PRCD: variants seen among roughly 807,000 people sequenced by gnomAD.
PRCD encodes the protein photoreceptor disk component PRCD.
A neutral mutation model predicts 10.1 loss-of-function variants in PRCD; 12 were observed. The observed-to-expected ratio is 1.18, with a 90% CI of 0.76 to 1.92. The LOEUF is 1.92. PRCD is among the 40% of genes most tolerant of loss of function. The pLI, the probability that PRCD is intolerant of heterozygous loss-of-function variation, is 0.00. For synonymous variants in PRCD, 31 were observed against 26.2 expected (o/e 1.18, Z -0.56); for missense variants, 61 against 72.2 (o/e 0.84, Z 0.56).
chr17:76,542,905 G>A lies in PRCD; in HGVS notation c.*60-124G>A, dbSNP rs1057487218. The stretch of plus-strand genomic sequence containing the variant: ...GGGGATGGCGAGGTGGTCGTGCTGG[G>A]GCATGAGGGCAGTGTCGGAGGACGC... On this transcript the variant is annotated intron_variant, in intron 3 of 4. Coordinates refer to ENST00000592014, the MANE Select transcript of PRCD (RefSeq NM_001077620.3). 6 of 586,148 alleles carry A rather than the reference G, an allele frequency of 1.0e-5. No homozygotes were observed. The African/African-American group carries it at 1.1e-4, about 11-fold the overall frequency. The allele number at this position is 586,148 out of a possible 1,614,324, so 36.3% of individuals were successfully genotyped here. A position where few individuals can be genotyped will look rare whatever the true frequency, so the allele number is the denominator to read the frequency against.
Position 76,528,747 on chromosome 17 carries a change from C to A in PRCD, n.45+914C>A. 1.9e-6 allele frequency: 2 copies of A among 1,039,286 alleles called. No homozygotes were observed. The highest frequency in any genetic ancestry group is 2.5e-6 in the Non-Finnish European group (2 of 801,860). 64.4% of individuals were successfully genotyped at this position (1,039,286 alleles called of 1,614,324 possible). ...CCGGCACAGTGCAGTTGAAAGCAAC[C>A]GTGAGACCCAAGTTCTAGTCTCCGT... On this transcript the variant is annotated intron_variant and non_coding_transcript_variant, in intron 1 of 4. Transcript: ENST00000397633. The surrounding 1 kb of genome is among the most constrained non-coding windows in gnomAD (Gnocchi z 5.8).
chr17:76,537,910 G>A (rs1322202246), upstream of PRCD: 1 of 150,972 alleles, frequency 6.6e-6, no homozygotes, highest in African/African-American at 2.4e-5. Context: ...CCCACCCGCA[G>A]GCCACGGCGG....
chr17:76,544,383 G>A lies in PRCD; in HGVS notation c.*733G>A, dbSNP rs1259293191. 9 of 454,736 alleles carry A rather than the reference G, an allele frequency of 2.0e-5. No individual in the cohort carries two copies. The highest frequency in any genetic ancestry group is 1.4e-4 in the East Asian group (2 of 14,406). The allele number at this position is 454,736 out of a possible 1,614,324, so 28.2% of individuals were successfully genotyped here. A position where few individuals can be genotyped will look rare whatever the true frequency, so the allele number is the denominator to read the frequency against. ...AGGAAGGGAAAGGGTGAGGGATGCCGCAGAGCAGAGGGAACCGCTGGGGAG... is the reference window on the plus strand; with the variant it reads ...AGGAAGGGAAAGGGTGAGGGATGCCACAGAGCAGAGGGAACCGCTGGGGAG... On this transcript the variant is annotated 3_prime_UTR_variant, in exon 5 of 5. Transcript: ENST00000592014.
chr17:76,550,443 G>A (rs1161400020), intron 1 of PRCD: 1 of 151,690 alleles, frequency 6.6e-6, no homozygotes, highest in Non-Finnish European at 1.5e-5. Context: ...TGTATTTTTA[G>A]TAGAGACGGG....
In PRCD at chr17:76,531,195, C is replaced by A; in HGVS notation, n.45+3362C>A. 6.4e-7 allele frequency: 1 copy of A among 1,567,896 alleles called. No homozygotes were observed. ...GAACGCCCGGGCGCCCTGCGTCCTGCAACCCCCAGGCCCCTCCGCCCCACG... is the reference window on the plus strand; with the variant it reads ...GAACGCCCGGGCGCCCTGCGTCCTGAAACCCCCAGGCCCCTCCGCCCCACG... On this transcript the variant is annotated intron_variant and non_coding_transcript_variant, in intron 1 of 4. Coordinates refer to the PRCD transcript ENST00000397633. This position sits in a 1 kb window ranked among gnomAD's most constrained non-coding sequence, Gnocchi z 7.4.
Position 76,531,230 on chromosome 17 carries a change from G to T in PRCD, n.45+3397G>T. 7.1e-7 allele frequency: 1 copy of T among 1,417,978 alleles called. No homozygotes were observed. Among genetic ancestry groups the T allele is most frequent in the Non-Finnish European group, 9.7e-7 (1 of 1,035,018 alleles). 87.8% of individuals were successfully genotyped at this position (1,417,978 alleles called of 1,614,324 possible). A position where few individuals can be genotyped will look rare whatever the true frequency, so the allele number is the denominator to read the frequency against. On this transcript the variant is annotated intron_variant and non_coding_transcript_variant, in intron 1 of 4. Coordinates refer to the PRCD transcript ENST00000397633. This position sits in a 1 kb window ranked among gnomAD's most constrained non-coding sequence, Gnocchi z 7.4. Reference sequence around the variant, plus strand: ...GCCCCTCCGCCCCACGTGTGGCCGAGAGGATCATTCCTAACGCAACAGTCT... The same window carrying T: ...GCCCCTCCGCCCCACGTGTGGCCGATAGGATCATTCCTAACGCAACAGTCT...
At chr17:76,529,446 A>AGG (rs2074807752) in intron 1 of PRCD, 4 of 958,098 alleles carry the variant, frequency 4.2e-6, no homozygotes, top group Non-Finnish European at 5.0e-6. Flanking sequence ...TCCCTAGGGC[A>AGG]GGGTGGGGAG....
chr17:76,530,577 C>T lies in PRCD; in HGVS notation n.45+2744C>T, dbSNP rs1390642098. ...TGGTCGGCATGAGATGAAAAAACAG[C>T]CCCTTGTGATTGGCACCCAGGGAGG... On this transcript the variant is annotated intron_variant and non_coding_transcript_variant, in intron 1 of 4. Transcript: ENST00000397633. This position sits in a 1 kb window ranked among gnomAD's most constrained non-coding sequence, Gnocchi z 6.1. Among the ~76,000 whole-genome samples, 2 of 152,148 alleles carry T rather than the reference C, an allele frequency of 1.3e-5. No homozygotes were observed. Among genetic ancestry groups the T allele is most frequent in the African/African-American group, 4.8e-5 (2 of 41,424 alleles).
chr17:76,548,808 C>G (rs953048622), downstream of PRCD, among the ~76,000 whole-genome samples: 22 of 152,190 alleles, frequency 1.4e-4, no homozygotes, highest in Admixed American at 6.5e-5. Flanking sequence ...CCACAAACAA[C>G]CAGAAAACTG....
Position 76,540,255 on chromosome 17 carries a change from G to GC in PRCD, c.74+40_74+41insC, listed in dbSNP as rs773995352. ...GGGCTATGGCTGGCGGTTGGTCGGGGGGGGGGGGCATGGGGCTGGGCTGCC... is the reference window on the plus strand; with the variant it reads ...GGGCTATGGCTGGCGGTTGGTCGGGGCGGGGGGGGCATGGGGCTGGGCTGCC... On this transcript the variant is annotated intron_variant, in intron 1 of 4. Transcript: ENST00000592014. The surrounding 1 kb of genome is among the most constrained non-coding windows in gnomAD (Gnocchi z 5.0). 27 of 1,095,572 alleles carry GC rather than the reference G, an allele frequency of 2.5e-5. 2 individuals carry two copies. The highest frequency in any genetic ancestry group is 2.4e-4 in the Middle Eastern group (1 of 4,100). 67.9% of individuals were successfully genotyped at this position (1,095,572 alleles called of 1,614,324 possible).
At chr17:76,539,123 G>A (rs2074957288), upstream of PRCD, among the ~76,000 whole-genome samples, 1 of 152,020 alleles carries the variant, frequency 6.6e-6, no homozygotes, top group East Asian at 1.9e-4. Flanking sequence ...GGTCTTGGAG[G>A]GGCTGGAGGG....
downstream of PRCD, among the ~76,000 whole-genome samples, chr17:76,548,186 T>C (rs1489689538): frequency 6.6e-6 from 1 of 151,090 alleles, no homozygotes; most frequent in Non-Finnish European, 1.5e-5. Flanking sequence ...CACCGACACA[T>C]ACACATTTAC....
intron 3 of PRCD, 78 bp from the exon 4 acceptor site, chr17:76,542,951 G>A (rs1008114416): frequency 4.4e-5 from 23 of 521,690 alleles, no homozygotes; most frequent in Middle Eastern, 6.0e-4. Context: ...GGCGGTGCTC[G>A]GAAACATCCA....
upstream of PRCD, chr17:76,538,256 G>GC: frequency 5.3e-6 from 1 of 187,320 alleles, no homozygotes. Context: ...CTCTCCCCGC[G>GC]CCCCCGAGCC....
At position 76,543,961 on chromosome 17, in the gene PRCD, C is replaced by A. The variant is rs749101962; in HGVS notation, c.*311C>A. The A allele has an allele frequency of 8.6e-6, 4 of 466,730 alleles. No homozygotes were observed. Among genetic ancestry groups the A allele is most frequent in the South Asian group, 6.2e-5 (4 of 64,512 alleles). The allele number at this position is 466,730 out of a possible 1,614,324, so 28.9% of individuals were successfully genotyped here. On this transcript the variant is annotated 3_prime_UTR_variant, in exon 5 of 5. Coordinates refer to ENST00000592014, the MANE Select transcript of PRCD (RefSeq NM_001077620.3). ...TGTGTGCAAGCGCGTGTGTTCCAAA[C>A]GGGCAGTAGCGTGTGGGAAGGAAAA...
chr17:76,542,255 C>T (rs537820280), intron 2 of PRCD, among the ~76,000 whole-genome samples: 20 of 152,268 alleles, frequency 1.3e-4, no homozygotes, highest in African/African-American at 4.1e-4. Context: ...CCTGGCCTGG[C>T]GTGACTTAGC....
downstream of PRCD, among the ~76,000 whole-genome samples, chr17:76,547,647 A>T (rs1002108424): frequency 2.7e-4 from 19 of 69,758 alleles, no homozygotes; most frequent in Non-Finnish European, 4.3e-4. Flanking sequence ...ACACATTCAC[A>T]CACACACACA....
In PRCD at chr17:76,540,499, CCA is replaced by C; in HGVS notation, c.75-3_75-2del. 3 of 1,613,672 alleles carry C rather than the reference CCA, an allele frequency of 1.9e-6. No homozygotes were observed. Among genetic ancestry groups the C allele is most frequent in the Non-Finnish European group, 2.5e-6 (3 of 1,179,900 alleles). On this transcript the variant is annotated splice_polypyrimidine_tract_variant and splice_region_variant and intron_variant, in intron 1 of 4. Transcript: ENST00000592014. The surrounding 1 kb of genome is among the most constrained non-coding windows in gnomAD (Gnocchi z 5.0). ...AGCTCTTCCTCCCTACTCTTGCCTC[CCA>C]CAGAGAGCCCAGCGACGTGGATGGG...
At position 76,531,867 on chromosome 17, in the gene PRCD, C is replaced by T. The variant is rs2074849011; in HGVS notation, n.45+4034C>T. 3.5e-6 allele frequency: 2 copies of T among 575,322 alleles called. No homozygotes were observed. Among genetic ancestry groups the T allele is most frequent in the East Asian group, 5.8e-5 (2 of 34,592 alleles). 35.6% of individuals were successfully genotyped at this position (575,322 alleles called of 1,614,324 possible). On this transcript the variant is annotated intron_variant and non_coding_transcript_variant, in intron 1 of 4. Transcript: ENST00000397633. The surrounding 1 kb of genome is among the most constrained non-coding windows in gnomAD (Gnocchi z 7.4). ...ATAGACCCTCCTCCCTCTGGCCAAG[C>T]CGGCTCACCCCTACCAAGTCTGGCC...
Sources: allele counts gnomAD v4.1 joint callset (sites outside exome capture counted in the v4.1 genomes callset), GRCh38; gene constraint gnomAD v4.1.1; non-coding constraint Gnocchi (gnomAD v3.1); transcripts MANE v1.5; gene names NCBI Gene and HGNC (gene_info 2026-07-23, HGNC 2026-07-21).